Variants in GEMIN5 observed in about 807,000 individuals in gnomAD.
GEMIN5 encodes the protein gem-associated protein 5.
A neutral mutation model predicts 176.9 loss-of-function variants in GEMIN5; 124 were observed. The observed-to-expected ratio is 0.70, with a 90% CI of 0.61 to 0.81. GEMIN5 has a LOEUF of 0.81. Ranked by LOEUF, GEMIN5 falls within the 40% of genes least tolerant of loss-of-function variation. GEMIN5 has a pLI of 0.00. For missense variants in GEMIN5, 1,843 were observed against 1,814.6 expected, an observed-to-expected ratio of 1.02 and a Z score of -0.28; for synonymous variants, 673 against 665.2, an observed-to-expected ratio of 1.01 and a Z score of -0.18.
chr5:154,901,120 G>A (rs1353411195), intron 21 of GEMIN5, among the ~76,000 whole-genome samples: 1 of 152,194 alleles, frequency 6.6e-6, no homozygotes, highest in East Asian at 1.9e-4. Context: ...GAGCCCAGGA[G>A]TTGGCAATCA....
chr5:154,910,912 T>G (rs112320535), intron 15 of GEMIN5, among the ~76,000 whole-genome samples: 1,576 of 152,180 alleles, frequency 0.01, 31 homozygotes, highest in African/African-American at 0.036. Context: ...TTAGTCAGGA[T>G]GGTCTCGGAT....
intron 13 of GEMIN5, among the ~76,000 whole-genome samples, chr5:154,913,851 C>T (rs1349371118): frequency 1.3e-5 from 2 of 151,838 alleles, no homozygotes; most frequent in South Asian, 4.1e-4. Context: ...CAAAAACCAA[C>T]CTAGCTGGGC....
intron 3 of GEMIN5, among the ~76,000 whole-genome samples, chr5:154,932,994 T>A (rs1230672736): frequency 6.6e-6 from 1 of 152,256 alleles, no homozygotes. Flanking sequence ...ACCTGCATAT[T>A]CCAAGGCTGT....
At chr5:154,912,440 C>G (rs1174963995) in intron 14 of GEMIN5, among the ~76,000 whole-genome samples, 2 of 152,226 alleles carry the variant, frequency 1.3e-5, no homozygotes, top group Non-Finnish European at 2.9e-5. Flanking sequence ...AAGTCCCCAG[C>G]TCTAGTTCTG....
At chr5:154,936,516 T>C (rs955495285) in intron 2 of GEMIN5, among the ~76,000 whole-genome samples, 3 of 152,196 alleles carry the variant, frequency 2.0e-5, no homozygotes, top group Non-Finnish European at 4.4e-5. Context: ...GGGGATCAAA[T>C]AATCATTAAA....
At chr5:154,913,148 C>T (rs1032759655) in intron 13 of GEMIN5, 110 bp from the exon 14 acceptor site, 21 of 931,842 alleles carry the variant, frequency 2.3e-5, no homozygotes, top group Non-Finnish European at 3.3e-5. Flanking sequence ...TTGCCATACA[C>T]TTTCTAGGTT....
chr5:154,902,537 A>G lies in GEMIN5; in HGVS notation c.2866+2T>C. ...AAAAGAACAAACAAACAAAAACCATACCTGCTGGTGCCATAGCCACAAGGT... is the reference window on the plus strand; with the variant it reads ...AAAAGAACAAACAAACAAAAACCATGCCTGCTGGTGCCATAGCCACAAGGT... On this transcript the variant is annotated splice_donor_variant, in intron 20 of 27. Transcript: ENST00000285873. LOFTEE classifies it high-confidence loss of function. 1 of 1,613,804 alleles carries G rather than the reference A, an allele frequency of 6.2e-7. No homozygotes were observed. Among genetic ancestry groups the G allele is most frequent in the Non-Finnish European group, 8.5e-7 (1 of 1,179,844 alleles).
chr5:154,918,318 C>A (rs1187029267), intron 11 of GEMIN5, among the ~76,000 whole-genome samples: 1 of 152,132 alleles, frequency 6.6e-6, no homozygotes, highest in Non-Finnish European at 1.5e-5. Context: ...ATGTGGGGAC[C>A]ATGAGGCCTT....
intron 4 of GEMIN5, 169 bp from the exon 5 acceptor site, chr5:154,931,746 G>T (rs1764170086): frequency 1.7e-6 from 1 of 576,842 alleles, no homozygotes; most frequent in African/African-American, 1.9e-5. Context: ...CTGGTGCAGT[G>T]GCTCACGCCT....
chr5:154,913,234 C>T (rs886709769), intron 13 of GEMIN5, among the ~76,000 whole-genome samples, 196 bp from the exon 14 acceptor site: 7 of 152,032 alleles, frequency 4.6e-5, no homozygotes, highest in African/African-American at 1.2e-4. Flanking sequence ...GGCGCAATCT[C>T]GGCTCACTGC....
intron 24 of GEMIN5, among the ~76,000 whole-genome samples, chr5:154,895,543 A>T (rs980459453): frequency 1.3e-5 from 2 of 152,204 alleles, no homozygotes; most frequent in African/African-American, 4.8e-5. Flanking sequence ...GAAAGGAACA[A>T]GAAGGACTTC....
At chr5:154,935,758 T>C (rs1294143218) in intron 3 of GEMIN5, 83 bp downstream of exon 3, 5 of 954,988 alleles carry the variant, frequency 5.2e-6, no homozygotes, top group African/African-American at 1.6e-5. Flanking sequence ...CTTTGAGGAA[T>C]AAAAGGACAG....
Position 154,896,275 on chromosome 5 carries a change from C to T in GEMIN5, c.3414G>A (p.Glu1138=), listed in dbSNP as rs765736159. ...SRHLEEKQLS[E]GKSSSSYHTW... is the part of the protein sequence containing the mutation. ...TGTGGTAAGAGGAGGAGCTTTTGCC[C>T]TCTGAAAGCTGCTTTTCCTCCAGAT... The change falls in exon 24 of 28, where the codon GAG becomes GAA. Residue 1138 remains glutamate, a synonymous_variant. Transcript: ENST00000285873. 5.0e-6 allele frequency: 8 copies of T among 1,612,542 alleles called. No homozygotes were observed. The highest frequency in any genetic ancestry group is 6.8e-6 in the Non-Finnish European group (8 of 1,179,452).
chr5:154,937,864 C>A, intron 1 of GEMIN5, 104 bp downstream of exon 1: 1 of 1,034,588 alleles, frequency 9.7e-7, no homozygotes, highest in Admixed American at 3.8e-5. Flanking sequence ...CCAGCCTGGG[C>A]CTCAGTTTCC....
At chr5:154,908,327 C>T (rs775537206) in intron 15 of GEMIN5, among the ~76,000 whole-genome samples, 5 of 152,052 alleles carry the variant, frequency 3.3e-5, no homozygotes, top group South Asian at 2.1e-4. Flanking sequence ...ATTACAGGCA[C>T]GCACAACCAC....
At position 154,921,265 on chromosome 5, in the gene GEMIN5, T is replaced by C. The variant is rs1217096611; in HGVS notation, c.1462+78A>G. The stretch of plus-strand genomic sequence containing the variant: ...CAGTGCACTAGACCATTTATGACTC[T>C]TTCCATCTTTAATATTTTAGGATTA... On this transcript the variant is annotated intron_variant, in intron 10 of 27. Coordinates refer to ENST00000285873, the MANE Select transcript of GEMIN5 (RefSeq NM_015465.5). The C allele has an allele frequency of 1.3e-5, 10 of 792,922 alleles. No individual in the cohort carries two copies. In the Admixed American group the frequency reaches 1.3e-4, roughly 10 times the overall value. The allele number at this position is 792,922 out of a possible 1,614,324, so 49.1% of individuals were successfully genotyped here.
At chr5:154,892,629 C>A (rs1011854106) in intron 24 of GEMIN5, 80 bp from the exon 25 acceptor site, 7 of 1,364,332 alleles carry the variant, frequency 5.1e-6, no homozygotes, top group African/African-American at 2.9e-5. Flanking sequence ...TTCCTGTGAA[C>A]CGCATTTGGA....
chr5:154,894,732 CCT>C (rs1453836089), intron 24 of GEMIN5, among the ~76,000 whole-genome samples: 2 of 151,950 alleles, frequency 1.3e-5, no homozygotes, highest in East Asian at 1.9e-4. Context: ...TGGTGAAACC[CCT>C]GTCTCTACTA....
rs765093562 is a variant in GEMIN5 at position 154,935,939 on chromosome 5, G to C, written c.411C>G (p.Tyr137Ter). The part of the protein sequence containing the change: ...SGDEKGVVFC[Y>*]WFNRNDSQHL... ...GCTGGCTGTCATTTCTGTTAAACCA[G>C]TAACAGAAAACTACTCCTTTTTCAT... Residue 137 changes from tyrosine (Y) to a stop codon, truncating the protein, a stop_gained, in exon 3 of 28, where the codon TAC (tyrosine) becomes TAG (stop). Transcript: ENST00000285873. LOFTEE classifies it high-confidence loss of function. 6.2e-7 allele frequency: 1 copy of C among 1,607,982 alleles called. No individual in the cohort carries two copies. Among genetic ancestry groups the C allele is most frequent in the Admixed American group, 1.7e-5 (1 of 60,006 alleles).
Sources: allele counts gnomAD v4.1 joint callset (sites outside exome capture counted in the v4.1 genomes callset), GRCh38; gene constraint gnomAD v4.1.1; transcripts MANE v1.5; gene names NCBI Gene and HGNC (gene_info 2026-07-23, HGNC 2026-07-21).